DOK5: variants seen among roughly 807,000 people sequenced by gnomAD.
DOK5 encodes downstream of tyrosine kinase 5.
A neutral mutation model predicts 43.3 loss-of-function variants in DOK5; 27 were observed. The observed-to-expected ratio is 0.62, with a 90% CI of 0.46 to 0.86. The LOEUF (loss-of-function observed/expected upper bound fraction) is 0.86. DOK5 is among the 40% of genes least tolerant of loss of function. DOK5 has a pLI of 0.00. For missense variants in DOK5, 373 were observed against 392.9 expected (o/e 0.95, Z 0.43); for synonymous variants, 146 against 140.1 (o/e 1.04, Z -0.30).
At chr20:54,590,076 G>C (rs1985932142) in intron 4 of DOK5, among the ~76,000 whole-genome samples, 2 of 152,152 alleles carry the variant, frequency 1.3e-5, no homozygotes, top group South Asian at 4.1e-4. Flanking sequence ...TTCACCTAGA[G>C]TGCTCAGATC....
intron 2 of DOK5, among the ~76,000 whole-genome samples, chr20:54,582,201 A>AT (rs1205617747): frequency 6.6e-6 from 1 of 151,894 alleles, no homozygotes; most frequent in Non-Finnish European, 1.5e-5. Context: ...TATCTGAGAG[A>AT]TAAACCCCAC....
chr20:54,544,369 A>G (rs973481594), intron 1 of DOK5, among the ~76,000 whole-genome samples: 1 of 152,104 alleles, frequency 6.6e-6, no homozygotes, highest in Admixed American at 6.5e-5. Flanking sequence ...GTATATTATG[A>G]CTGGGGGAGG....
chr20:54,595,151 C>T (rs1986098986), intron 5 of DOK5, among the ~76,000 whole-genome samples: 1 of 152,234 alleles, frequency 6.6e-6, no homozygotes, highest in Non-Finnish European at 1.5e-5. Context: ...ACCATCCTGG[C>T]TAACACGGTG....
At chr20:54,626,104 G>T (rs1253045219) in intron 6 of DOK5, among the ~76,000 whole-genome samples, 3 of 152,192 alleles carry the variant, frequency 2.0e-5, no homozygotes, top group African/African-American at 7.2e-5. Flanking sequence ...AATCCTGGGG[G>T]ACAGAGAAAG....
At chr20:54,541,624 T>G (rs1454731648) in intron 1 of DOK5, among the ~76,000 whole-genome samples, 1 of 151,868 alleles carries the variant, frequency 6.6e-6, no homozygotes, top group Non-Finnish European at 1.5e-5. Flanking sequence ...TTAGTAGAGA[T>G]GGGGGATTCA....
intron 1 of DOK5, among the ~76,000 whole-genome samples, chr20:54,496,597 C>T (rs1451452432): frequency 6.6e-6 from 1 of 151,800 alleles, no homozygotes; most frequent in African/African-American, 2.4e-5. Context: ...GAAACCCCGT[C>T]TCTACTAAAA....
chr20:54,646,248 G>T (rs1239635382), intron 7 of DOK5, among the ~76,000 whole-genome samples: 88 of 79,892 alleles, frequency 1.1e-3, no homozygotes, highest in Middle Eastern at 0.019. Context: ...TGGTTATACT[G>T]TTTTTTTTTT....
intron 1 of DOK5, among the ~76,000 whole-genome samples, chr20:54,534,492 G>A (rs1030935299): frequency 6.6e-6 from 1 of 152,166 alleles, no homozygotes; most frequent in Admixed American, 6.5e-5. Context: ...CATTTCAAAT[G>A]TGACTCCATA....
chr20:54,516,498 G>A (rs1983202079), intron 1 of DOK5, among the ~76,000 whole-genome samples: 1 of 152,068 alleles, frequency 6.6e-6, no homozygotes, highest in Non-Finnish European at 1.5e-5. Flanking sequence ...TAGCTTTAAG[G>A]GCATTTTGCC....
chr20:54,601,200 G>A (rs1006322249), intron 5 of DOK5, among the ~76,000 whole-genome samples: 1 of 152,206 alleles, frequency 6.6e-6, no homozygotes, highest in African/African-American at 2.4e-5. Context: ...GTTTTGGAAA[G>A]GTTAACTTCA....
chr20:54,608,695 G>A (rs112084384), intron 5 of DOK5, among the ~76,000 whole-genome samples: 1 of 148,658 alleles, frequency 6.7e-6, no homozygotes, highest in Non-Finnish European at 1.5e-5. Flanking sequence ...TGGGGGGATG[G>A]CACCTCTCTC....
intron 2 of DOK5, among the ~76,000 whole-genome samples, chr20:54,569,236 G>A (rs756650932): frequency 9.9e-5 from 15 of 152,114 alleles, no homozygotes; most frequent in Non-Finnish European, 1.6e-4. Flanking sequence ...TGGTTCTTGC[G>A]TAAATTATAG....
chr20:54,594,353 A>G (rs1036567602), intron 5 of DOK5, among the ~76,000 whole-genome samples: 1 of 152,128 alleles, frequency 6.6e-6, no homozygotes, highest in East Asian at 1.9e-4. Context: ...GATCTTGCCA[A>G]TACACTCCAG....
intron 1 of DOK5, among the ~76,000 whole-genome samples, chr20:54,521,094 C>A (rs1211870932): frequency 1.3e-5 from 2 of 151,918 alleles, no homozygotes; most frequent in Non-Finnish European, 2.9e-5. Flanking sequence ...CTTGAGGGAC[C>A]TGTGAGCAAC....
At chr20:54,507,392 T>G (rs1200719978) in intron 1 of DOK5, among the ~76,000 whole-genome samples, 1 of 152,232 alleles carries the variant, frequency 6.6e-6, no homozygotes, top group Non-Finnish European at 1.5e-5. Context: ...AAATTAACTT[T>G]AATGCTATAT....
chr20:54,580,633 A>G (rs1396615687), intron 2 of DOK5, among the ~76,000 whole-genome samples: 1 of 152,150 alleles, frequency 6.6e-6, no homozygotes, highest in Non-Finnish European at 1.5e-5. Flanking sequence ...ATCTTCTGAT[A>G]TATCCATTGG....
intron 2 of DOK5, chr20:54,555,350 T>G: frequency 4.8e-6 from 1 of 206,212 alleles, no homozygotes; most frequent in East Asian, 1.1e-4. Flanking sequence ...TCTCATTGTG[T>G]CTCAGACACT....
At chr20:54,589,119 T>C (rs1295653280) in intron 4 of DOK5, among the ~76,000 whole-genome samples, 1 of 152,220 alleles carries the variant, frequency 6.6e-6, no homozygotes, top group East Asian at 1.9e-4. Context: ...ATAGCAGCCC[T>C]ATGGTGTAGG....
At chr20:54,518,395 A>T (rs984087913) in intron 1 of DOK5, among the ~76,000 whole-genome samples, 2 of 150,234 alleles carry the variant, frequency 1.3e-5, no homozygotes, top group African/African-American at 2.5e-5. Context: ...TGTCCTTGTG[A>T]TAGTTTGCTG....
Sources: allele counts gnomAD v4.1 joint callset (sites outside exome capture counted in the v4.1 genomes callset), GRCh38; gene constraint gnomAD v4.1.1; transcripts MANE v1.5; gene names NCBI Gene and HGNC (gene_info 2026-07-23, HGNC 2026-07-21).